The following SCMH1 variants were observed in gnomAD, a reference collection of about 807,000 sequenced individuals.
The protein encoded by SCMH1 is polycomb protein SCMH1.
A neutral mutation model predicts 70.8 loss-of-function variants in SCMH1; 37 were observed. The observed-to-expected ratio is 0.52, with a 90% CI of 0.40 to 0.69. The LOEUF (loss-of-function observed/expected upper bound fraction) is 0.69, where lower values mean the gene tolerates loss of function less well. SCMH1 is among the 30% of genes least tolerant of loss of function. The pLI, the probability that SCMH1 is intolerant of heterozygous loss-of-function variation, is 0.00. For missense variants in SCMH1, 607 were observed against 827.3 expected, an observed-to-expected ratio of 0.73 and a Z score of 3.27; for synonymous variants, 292 against 307.4, an observed-to-expected ratio of 0.95 and a Z score of 0.52.
chr1:41,039,549 ACTC>A (rs1258893085), intron 12 of SCMH1, among the ~76,000 whole-genome samples: 1 of 150,260 alleles, frequency 6.7e-6, no homozygotes, highest in Non-Finnish European at 1.5e-5. Flanking sequence ...AACTCACTGC[ACTC>A]CTCTGCAACC....
chr1:41,115,921 T>C (rs961598382), intron 7 of SCMH1, among the ~76,000 whole-genome samples: 6 of 152,242 alleles, frequency 3.9e-5, no homozygotes, highest in African/African-American at 1.2e-4. Context: ...TTTAAAAATC[T>C]GATCTATGTA....
At chr1:41,067,508 G>A (rs1396815501) in intron 10 of SCMH1, among the ~76,000 whole-genome samples, 1 of 144,414 alleles carries the variant, frequency 6.9e-6, no homozygotes, top group Non-Finnish European at 1.5e-5. Flanking sequence ...AAAATACATG[G>A]AATAAATTTA....
In SCMH1 at chr1:41,113,616, G is replaced by T; in HGVS notation, c.502-90C>A. ...TATCTAATTTGGATGATTAAAAAGTGACTGCTACATGAGACTTATAATGGA... is the reference window on the plus strand; with the variant it reads ...TATCTAATTTGGATGATTAAAAAGTTACTGCTACATGAGACTTATAATGGA... On this transcript the variant is annotated intron_variant, in intron 7 of 14. Transcript: ENST00000337495. This position sits in a 1 kb window ranked among gnomAD's most constrained non-coding sequence, Gnocchi z 4.3. 7.1e-7 allele frequency: 1 copy of T among 1,412,328 alleles called. No homozygotes were observed. The highest frequency in any genetic ancestry group is 1.4e-5 in the African/African-American group (1 of 69,366). 87.5% of individuals were successfully genotyped at this position (1,412,328 alleles called of 1,614,324 possible). A position where few individuals can be genotyped will look rare whatever the true frequency, so the allele number is the denominator to read the frequency against.
At chr1:41,175,654 G>A (rs1647067264) in intron 2 of SCMH1, among the ~76,000 whole-genome samples, 2 of 152,076 alleles carry the variant, frequency 1.3e-5, no homozygotes, top group South Asian at 4.2e-4. Flanking sequence ...TCAATTAAGG[G>A]TGCTTTACAA....
Position 41,120,481 on chromosome 1 carries a change from TG to T in SCMH1, c.413-3472del, listed in dbSNP as rs556983845. Among the ~76,000 whole-genome samples, 303 of 152,276 alleles carry T rather than the reference TG, an allele frequency of 2.0e-3. 1 individual carries two copies. The highest frequency in any genetic ancestry group is 5.6e-3 in the South Asian group (27 of 4,828). On this transcript the variant is annotated intron_variant, in intron 6 of 14. Coordinates refer to ENST00000337495, the Ensembl canonical transcript of SCMH1. ...GCCGGAGACAGATTTCAATATATGG[TG>T]GTTGGATACCAAACTTTGTGGTTCT...
intron 2 of SCMH1, among the ~76,000 whole-genome samples, chr1:41,172,189 A>G (rs1572818747): frequency 6.6e-6 from 1 of 151,948 alleles, no homozygotes; most frequent in South Asian, 2.1e-4. Context: ...CATCTCAAAA[A>G]AAAAAAAAAA....
chr1:41,241,614 G>A (rs867354583), intron 1 of SCMH1, among the ~76,000 whole-genome samples: 3 of 152,168 alleles, frequency 2.0e-5, no homozygotes, highest in African/African-American at 7.2e-5. Flanking sequence ...CGACTGACCC[G>A]CGCAGACGGG....
At chr1:41,125,261 G>A (rs1251150488) in intron 6 of SCMH1, among the ~76,000 whole-genome samples, 1 of 151,686 alleles carries the variant, frequency 6.6e-6, no homozygotes, top group Non-Finnish European at 1.5e-5. Context: ...TGTCCCCCAG[G>A]CTGAAATTCA....
At chr1:41,239,544 T>C (rs1230440188) in intron 1 of SCMH1, among the ~76,000 whole-genome samples, 2 of 152,220 alleles carry the variant, frequency 1.3e-5, no homozygotes, top group East Asian at 1.9e-4. Context: ...CTCCACAAGA[T>C]TGGAAATCTT....
At chr1:41,212,979 C>T (rs1458294026) in intron 1 of SCMH1, among the ~76,000 whole-genome samples, 1 of 151,970 alleles carries the variant, frequency 6.6e-6, no homozygotes, top group Non-Finnish European at 1.5e-5. Context: ...TAAAGGTATT[C>T]TCTGGAAAAT....
rs868566784 is a variant in SCMH1, at chr1:41,045,244, T to C, written c.1498+1163A>G. On this transcript the variant is annotated intron_variant, in intron 12 of 14. Transcript: ENST00000337495. The stretch of plus-strand genomic sequence containing the variant: ...CTGAAAGAAAGCAATCTAGCATGGG[T>C]TAGGTGAGGAGAAGTTCCCTCCATA... 6.4e-4 allele frequency among the ~76,000 whole-genome samples: 97 copies of C among 152,082 alleles called. No individual in the cohort carries two copies. In the Middle Eastern group the frequency reaches 0.017, roughly 27 times the overall value.
intron 6 of SCMH1, among the ~76,000 whole-genome samples, chr1:41,117,813 A>C (rs545575906): frequency 6.6e-6 from 1 of 152,066 alleles, no homozygotes; most frequent in African/African-American, 2.4e-5. Flanking sequence ...CCCCCTGTCC[A>C]GTGGACACGT....
intron 5 of SCMH1, among the ~76,000 whole-genome samples, chr1:41,148,378 T>C (rs1013571310): frequency 6.6e-6 from 1 of 152,226 alleles, no homozygotes; most frequent in African/African-American, 2.4e-5. Flanking sequence ...TTTCATTTGA[T>C]ATCATTTTCT....
At chr1:41,230,089 A>G (rs200355666) in intron 1 of SCMH1, among the ~76,000 whole-genome samples, 1 of 129,544 alleles carries the variant, frequency 7.7e-6, no homozygotes, top group Non-Finnish European at 1.8e-5. Context: ...TGTAGACCAC[A>G]AGGGAAAATA....
At chr1:41,181,384 A>G (rs1648717098) in intron 2 of SCMH1, among the ~76,000 whole-genome samples, 1 of 152,232 alleles carries the variant, frequency 6.6e-6, no homozygotes, top group Non-Finnish European at 1.5e-5. Flanking sequence ...TGCACAGCAA[A>G]AGAAACTACC....
intron 8 of SCMH1, among the ~76,000 whole-genome samples, chr1:41,085,614 T>C (rs1187045991): frequency 3.9e-5 from 6 of 152,112 alleles, no homozygotes; most frequent in Non-Finnish European, 7.4e-5. Flanking sequence ...GTATGCGCCA[T>C]CCAAAAAAGT....
At chr1:41,171,691 T>A (rs1259983476) in intron 2 of SCMH1, among the ~76,000 whole-genome samples, 1 of 152,090 alleles carries the variant, frequency 6.6e-6, no homozygotes, top group Non-Finnish European at 1.5e-5. Context: ...TCATATCAAG[T>A]ATCATTTCAG....
exon 15 of SCMH1, chr1:41,027,521 TCTC>T (rs988101644): frequency 4.6e-5 from 7 of 152,172 alleles, no homozygotes; most frequent in African/African-American, 7.2e-5. Flanking sequence ...CAGGGATCCT[TCTC>T]CTCCCCATAT....
intron 2 of SCMH1, among the ~76,000 whole-genome samples, chr1:41,167,237 T>C (rs960005904): frequency 1.3e-5 from 2 of 152,176 alleles, no homozygotes; most frequent in African/African-American, 4.8e-5. Context: ...CTTAGTATTT[T>C]GTTGAAGATT....
Sources: gnomAD v4.1 joint callset for allele counts (sites outside exome capture counted in the v4.1 genomes callset) on GRCh38, gnomAD v4.1.1 for gene constraint, Gnocchi (gnomAD v3.1) non-coding constraint, MANE v1.5 for transcripts, NCBI Gene and HGNC (gene_info 2026-07-23, HGNC 2026-07-21) for gene names.